Variants in DAOA observed in about 807,000 individuals in gnomAD.
DAOA encodes D-amino acid oxidase activator.
A neutral mutation model predicts 16.4 loss-of-function variants in DAOA; 15 were observed. The ratio of observed to expected loss-of-function variants is 0.91; its 90% CI spans 0.61 to 1.41. DAOA has a LOEUF of 1.41. Among genes scored for constraint, DAOA ranks in the 40% most tolerant of loss-of-function variants. The pLI is 0.00. For missense variants in DAOA, 230 were observed against 176.8 expected (o/e 1.30, Z -1.71); for synonymous variants, 75 against 59.1 (o/e 1.27, Z -1.23).
chr13:105,468,305 A>G (rs1876682068), intron 3 of DAOA, among the ~76,000 whole-genome samples: 1 of 152,090 alleles, frequency 6.6e-6, no homozygotes, highest in Non-Finnish European at 1.5e-5. Flanking sequence ...TGGGGGGTGG[A>G]GCAAAGAAGT....
Position 105,472,640 on chromosome 13 carries a change from G to A in DAOA, c.236G>A (p.Arg79Lys), listed in dbSNP as rs778537778. The change falls in exon 4 of 6, where the codon AGA becomes AAA. Residue 79 changes from arginine to lysine, a missense_variant. By Grantham distance (26) the Arg-to-Lys change is conservative (BLOSUM62 2). Transcript: ENST00000375936. ...YLEMAQRHLQ[R>K]SLCPWVSYLP... Reference sequence around the variant, plus strand: ...GAAATGGCACAGAGGCATTTACAGAGATCATTATGTCCTTGGGTCTCTTAC... The same window carrying A: ...GAAATGGCACAGAGGCATTTACAGAAATCATTATGTCCTTGGGTCTCTTAC... 1 of 1,614,060 alleles carries A rather than the reference G, an allele frequency of 6.2e-7. No individual in the cohort carries two copies. Among genetic ancestry groups the A allele is most frequent in the Non-Finnish European group, 8.5e-7 (1 of 1,179,916 alleles).
intron 4 of DAOA, among the ~76,000 whole-genome samples, chr13:105,486,626 T>C (rs1268897582): frequency 6.6e-6 from 1 of 151,806 alleles, no homozygotes. Flanking sequence ...TCTTTCTTTT[T>C]TTTTCTTTTG....
intron 4 of DAOA, among the ~76,000 whole-genome samples, chr13:105,489,053 A>G (rs1038648515): frequency 6.6e-6 from 1 of 152,208 alleles, no homozygotes; most frequent in African/African-American, 2.4e-5. Context: ...TTGCATTACA[A>G]TGTGGTAGAG....
At chr13:105,472,402 C>T in intron 3 of DAOA, 136 bp from the exon 4 acceptor site, 1 of 1,260,224 alleles carries the variant, frequency 7.9e-7, no homozygotes, top group South Asian at 1.7e-5. Flanking sequence ...GGAATTTTGT[C>T]TTAACCAAAA....
chr13:105,477,073 G>A (rs953991288), intron 4 of DAOA: 3 of 152,212 alleles, frequency 2.0e-5, no homozygotes, highest in African/African-American at 7.2e-5. Context: ...TCTGCCTCCT[G>A]TAGTTCTCCC....
chr13:105,487,337 A>G (rs986384770), intron 4 of DAOA, among the ~76,000 whole-genome samples: 4 of 152,100 alleles, frequency 2.6e-5, no homozygotes, highest in Non-Finnish European at 5.9e-5. Flanking sequence ...TAAAAAAGTG[A>G]TCTAAATCAT....
intron 3 of DAOA, among the ~76,000 whole-genome samples, chr13:105,471,830 A>G (rs117502972): frequency 0.037 from 5,673 of 152,324 alleles, 139 homozygotes; most frequent in South Asian, 0.064. Flanking sequence ...ACAAAGTTGC[A>G]AAATAGCTCA....
At chr13:105,472,455 T>C in intron 3 of DAOA, 83 bp from the exon 4 acceptor site, 2 of 1,458,038 alleles carry the variant, frequency 1.4e-6, no homozygotes, top group South Asian at 1.5e-5. Flanking sequence ...CTACAATCGC[T>C]CCACAGTCAT....
chr13:105,482,510 T>G (rs1440179480), intron 4 of DAOA, among the ~76,000 whole-genome samples: 1 of 151,208 alleles, frequency 6.6e-6, no homozygotes, highest in Non-Finnish European at 1.5e-5. Flanking sequence ...GTGTAAGTTT[T>G]TTTTTTTTTT....
At chr13:105,483,748 G>A (rs116992841) in intron 4 of DAOA, among the ~76,000 whole-genome samples, 1,541 of 151,638 alleles carry the variant, frequency 0.01, 17 homozygotes, top group Non-Finnish European at 0.014. Flanking sequence ...TCTTATATTA[G>A]ATATAACCTT....
intron 4 of DAOA, among the ~76,000 whole-genome samples, chr13:105,478,718 A>T (rs917980641): frequency 1.2e-4 from 19 of 152,182 alleles, no homozygotes; most frequent in East Asian, 5.8e-4. Flanking sequence ...ATTAAAAATA[A>T]TTTTATTTTA....
intron 4 of DAOA, among the ~76,000 whole-genome samples, chr13:105,479,066 G>A (rs544356762): frequency 6.6e-6 from 1 of 152,252 alleles, no homozygotes; most frequent in South Asian, 2.1e-4. Flanking sequence ...GAATTCAGTG[G>A]TGCACAGGAC....
intron 3 of DAOA, 150 bp from the exon 4 acceptor site, chr13:105,472,388 T>C (rs1877019369): frequency 9.7e-7 from 1 of 1,035,400 alleles, no homozygotes; most frequent in Non-Finnish European, 1.3e-6. Context: ...TTTGAGTCTC[T>C]GAGGGAATTT....
intron 3 of DAOA, among the ~76,000 whole-genome samples, chr13:105,468,982 A>C (rs561045941): frequency 4.6e-5 from 7 of 152,358 alleles, no homozygotes; most frequent in Admixed American, 4.6e-4. Flanking sequence ...TAATTTTTCC[A>C]AGTGCATATT....
In DAOA at chr13:105,487,091, G is replaced by C. The variant is rs1229650200; in HGVS notation, c.282-2810G>C. Among the ~76,000 whole-genome samples the C allele has an allele frequency of 2.6e-5, 4 of 152,314 alleles. No homozygotes were observed. The South Asian group carries it at 6.2e-4, about 24-fold the overall frequency. On this transcript the variant is annotated intron_variant, in intron 4 of 5. Transcript: ENST00000375936. ...AGGGTAAGAGGAGAATGGAGGAAAA[G>C]GAGAGAGAACAGAGAACCCGTGAAA...
chr13:105,479,628 C>T (rs1877570213), intron 4 of DAOA, among the ~76,000 whole-genome samples: 1 of 152,154 alleles, frequency 6.6e-6, no homozygotes, highest in South Asian at 2.1e-4. Flanking sequence ...TGTGGCTCTG[C>T]TCCTCTTCCT....
rs141807486 is a variant in DAOA, at chr13:105,467,266, T to C, written c.133+125T>C. On this transcript the variant is annotated intron_variant, in intron 3 of 5. Transcript: ENST00000375936. ...GACAAACTTCAATTAATTTGTAAGATACAGGAAGAAAATTTTTCCAGTTAA... is the reference window on the plus strand; with the variant it reads ...GACAAACTTCAATTAATTTGTAAGACACAGGAAGAAAATTTTTCCAGTTAA... 8.1e-4 allele frequency: 878 copies of C among 1,090,306 alleles called. 8 individuals are homozygous for C. The Middle Eastern group carries it at 9.1e-3, about 11-fold the overall frequency. The allele number at this position is 1,090,306 out of a possible 1,614,324, so 67.5% of individuals were successfully genotyped here. A position where few individuals can be genotyped will look rare whatever the true frequency, so the allele number is the denominator to read the frequency against.
chr13:105,490,003 A>G lies in DAOA; in HGVS notation c.384A>G (p.Arg128=). Residue 128 remains arginine, a synonymous_variant, in exon 5 of 6, where the codon CGA becomes CGG. Transcript: ENST00000375936. ...ASKDRRQPLE[R]MWTCNYNQQK... ...AGGACCGCAGGCAGCCTCTAGAACG[A>G]ATGTGGACCTGCAACTACAACCAGC... is the stretch of plus-strand genomic sequence containing the variant. 1 of 1,612,786 alleles carries G rather than the reference A, an allele frequency of 6.2e-7. No individual in the cohort carries two copies. The highest frequency in any genetic ancestry group is 8.5e-7 in the Non-Finnish European group (1 of 1,179,476).
At position 105,466,284 on chromosome 13, in the gene DAOA, C is replaced by A; in HGVS notation, c.-5C>A. The A allele has an allele frequency of 6.2e-7, 1 of 1,613,880 alleles. No homozygotes were observed. The highest frequency in any genetic ancestry group is 1.1e-5 in the South Asian group (1 of 91,016). ...ATGCCGATGATTTAGCTGGGAGGAC[C>A]CAAAATGCTGGAAAAGCTGATGGGT... On this transcript the variant is annotated 5_prime_UTR_variant, in exon 2 of 6. Coordinates refer to ENST00000375936, the MANE Select transcript of DAOA (RefSeq NM_172370.5).
Sources: allele counts gnomAD v4.1 joint callset (sites outside exome capture counted in the v4.1 genomes callset), GRCh38; gene constraint gnomAD v4.1.1; transcripts MANE v1.5; gene names NCBI Gene and HGNC (gene_info 2026-07-23, HGNC 2026-07-21).